Variants in AARS2 observed in about 807,000 individuals in gnomAD.
AARS2 encodes alanyl-tRNA synthetase 2, mitochondrial.
AARS2 carries 78 observed loss-of-function variants against 119.7 expected under a neutral mutation model. The ratio of observed to expected loss-of-function variants is 0.65; its 90% CI spans 0.54 to 0.79. The LOEUF (loss-of-function observed/expected upper bound fraction) is 0.79. Among genes scored for constraint, AARS2 ranks in the 30% least tolerant of loss-of-function variants. AARS2 has a pLI of 0.00. For synonymous variants in AARS2, 502 were observed against 526.3 expected (o/e 0.95, Z 0.63); for missense variants, 1,157 against 1,291.3 (o/e 0.90, Z 1.59).
intron 19 of AARS2, 52 bp downstream of exon 19, chr6:44,302,002 CTCAGTG>C: frequency 6.4e-7 from 1 of 1,567,826 alleles, no homozygotes; most frequent in Non-Finnish European, 8.7e-7. Flanking sequence ...CTTGAGACTT[CTCAGTG>C]TATCTGCTGG....
chr6:44,305,730 C>T lies in AARS2; in HGVS notation c.1357G>A (p.Val453Ile). The change falls in exon 10 of 22, where the codon GTA becomes ATA. Residue 453 changes from valine to isoleucine, a missense_variant. Physicochemically the swap from Val to Ile is conservative, Grantham distance 29. Coordinates refer to ENST00000244571, the MANE Select transcript of AARS2 (RefSeq NM_020745.4). This position sits in a 1 kb window ranked among gnomAD's most constrained non-coding sequence, Gnocchi z 4.6. ...CCTTTCTCCTCCAGCATCAGCTCTA[C>T]CATGTCCAAGGGGAGTCCCAGGTCT... ...CGDLGLPLDM[V>I]ELMLEEKGVQ... The T allele has an allele frequency of 6.2e-7, 1 of 1,614,146 alleles. No individual in the cohort carries two copies. Among genetic ancestry groups the T allele is most frequent in the East Asian group, 2.2e-5 (1 of 44,876 alleles).
At position 44,305,225 on chromosome 6, in the gene AARS2, A is replaced by C; in HGVS notation, c.1435-27T>G. On this transcript the variant is annotated intron_variant, in intron 10 of 21. Transcript: ENST00000244571. The surrounding 1 kb of genome is among the most constrained non-coding windows in gnomAD (Gnocchi z 4.6). ...TGCAGGGTGGGCATGGGCATGGAAG[A>C]AGTGCATGGAGAATGAAAGAATGAA... The C allele has an allele frequency of 6.2e-7, 1 of 1,607,834 alleles. No homozygotes were observed. Among genetic ancestry groups the C allele is most frequent in the Non-Finnish European group, 8.5e-7 (1 of 1,179,996 alleles).
Position 44,307,583 on chromosome 6 carries a change from T to G in AARS2, c.895-189A>C. The G allele has an allele frequency of 1.5e-6, 1 of 685,768 alleles. No individual in the cohort carries two copies. Among genetic ancestry groups the G allele is most frequent in the Non-Finnish European group, 2.5e-6 (1 of 407,794 alleles). The allele number at this position is 685,768 out of a possible 1,614,324, so 42.5% of individuals were successfully genotyped here. ...AGGCCCTGCCCTCACGGGGCTCATATTTGGTGCTACAAGTGAACATATCTG... is the reference window on the plus strand; with the variant it reads ...AGGCCCTGCCCTCACGGGGCTCATAGTTGGTGCTACAAGTGAACATATCTG... On this transcript the variant is annotated intron_variant, in intron 5 of 21. Coordinates refer to ENST00000244571, the MANE Select transcript of AARS2 (RefSeq NM_020745.4). This position sits in a 1 kb window ranked among gnomAD's most constrained non-coding sequence, Gnocchi z 4.4.
rs141516924 is a variant in AARS2 at position 44,306,536 on chromosome 6, G to C, written c.1150-4C>G. 139 of 1,614,098 alleles carry C rather than the reference G, an allele frequency of 8.6e-5. No individual in the cohort carries two copies. The African/African-American group carries it at 1.6e-3, about 19-fold the overall frequency. ...GCAGTTCTGGATAAGCATCTCCCTG[G>C]GGGAGGTGGAGAGGGCTGAGGAGGT... On this transcript the variant is annotated splice_polypyrimidine_tract_variant and splice_region_variant and intron_variant, in intron 7 of 21. Coordinates refer to ENST00000244571, the MANE Select transcript of AARS2 (RefSeq NM_020745.4).
Position 44,302,431 on chromosome 6 carries a change from T to C in AARS2, c.2447A>G (p.Glu816Gly), listed in dbSNP as rs1460149363. ...RLSLGSRDVA[E>G]ALRLSKDIGR... is the part of the protein sequence containing the mutation. ...TATGTCCTTGGACAGCCTCAGTGCCTCCGCCACATCCCGGCTCCCCAGACT... is the reference window on the plus strand; with the variant it reads ...TATGTCCTTGGACAGCCTCAGTGCCCCCGCCACATCCCGGCTCCCCAGACT... Residue 816 changes from glutamate to glycine, a missense_variant, in exon 18 of 22, where the codon GAG (glutamate) becomes GGG (glycine). Coordinates refer to ENST00000244571, the MANE Select transcript of AARS2 (RefSeq NM_020745.4). 1 of 1,614,054 alleles carries C rather than the reference T, an allele frequency of 6.2e-7. No homozygotes were observed.
rs777819096 is a variant in AARS2, at chr6:44,312,203, C to G, written c.304G>C (p.Val102Leu). The part of the protein sequence containing the change: ...PRSEMAGFRR[V>L]ANSQKCVRAG... ...CTCACACATTTCTGGCTGTTGGCCA[C>G]ACGTCGGAAGCCTGCCATCTCGCTT... The change falls in exon 2 of 22, where the codon GTG becomes CTG. Residue 102 changes from valine (V) to leucine (L), a missense_variant. Val to Leu is a conservative substitution (Grantham distance 32). Coordinates refer to ENST00000244571, the MANE Select transcript of AARS2 (RefSeq NM_020745.4). 1.2e-6 allele frequency: 2 copies of G among 1,614,042 alleles called. No individual in the cohort carries two copies. The highest frequency in any genetic ancestry group is 2.7e-5 in the African/African-American group (2 of 74,932).
Sources: gnomAD v4.1 joint callset for allele counts on GRCh38, gnomAD v4.1.1 for gene constraint, Gnocchi (gnomAD v3.1) non-coding constraint, MANE v1.5 for transcripts, NCBI Gene and HGNC (gene_info 2026-07-23, HGNC 2026-07-21) for gene names.